Variants in PHLPP1 observed in about 807,000 individuals in gnomAD.
The protein encoded by PHLPP1 is PH domain and leucine rich repeat protein phosphatase 1.
Under a neutral mutation model 117.2 loss-of-function variants are expected in PHLPP1, and 42 were observed. That is an observed-to-expected ratio of 0.36 (90% confidence interval 0.28 to 0.46). The LOEUF (loss-of-function observed/expected upper bound fraction) is 0.46. PHLPP1 is among the 20% of genes least tolerant of loss of function. The pLI is 1.00. For synonymous variants in PHLPP1, 1,042 were observed against 970.7 expected (o/e 1.07, Z -1.37); for missense variants, 2,084 against 2,241.9 (o/e 0.93, Z 1.42).
Position 62,941,928 on chromosome 18 carries a change from A to G in PHLPP1, c.3161+10A>G, listed in dbSNP as rs1257719650. Reference sequence around the variant, plus strand: ...AGAGTTTTCCAGCAAGGTAAAGGACAGTTGTAAAGCTGCGTTCTGAATTGC... The same window carrying G: ...AGAGTTTTCCAGCAAGGTAAAGGACGGTTGTAAAGCTGCGTTCTGAATTGC... On this transcript the variant is annotated intron_variant, in intron 11 of 16. Coordinates refer to ENST00000262719, the MANE Select transcript of PHLPP1 (RefSeq NM_194449.4). 3 of 1,605,658 alleles carry G rather than the reference A, an allele frequency of 1.9e-6. No individual in the cohort carries two copies. Among genetic ancestry groups the G allele is most frequent in the Admixed American group, 1.7e-5 (1 of 59,766 alleles).
At chr18:62,824,269 A>G (rs1420916355) in intron 1 of PHLPP1, 2 of 445,890 alleles carry the variant, frequency 4.5e-6, no homozygotes, top group South Asian at 1.6e-5. Flanking sequence ...ATTTGTCTAT[A>G]CCAAGACTTG....
chr18:62,976,172 A>G (rs1911180467), intron 16 of PHLPP1, among the ~76,000 whole-genome samples: 1 of 152,226 alleles, frequency 6.6e-6, no homozygotes, highest in South Asian at 2.1e-4. Context: ...CTTCCCCACA[A>G]GACATTTGGC....
chr18:62,799,366 A>G (rs1440495065), intron 1 of PHLPP1, among the ~76,000 whole-genome samples: 2 of 152,220 alleles, frequency 1.3e-5, no homozygotes, highest in Non-Finnish European at 2.9e-5. Context: ...GGTGGTTACA[A>G]AGGCCACTGA....
rs1178554014 is a variant in PHLPP1, at chr18:62,978,169, C to T, written c.3985-93C>T. On this transcript the variant is annotated intron_variant, in intron 16 of 16. Coordinates refer to ENST00000262719, the MANE Select transcript of PHLPP1 (RefSeq NM_194449.4). The surrounding 1 kb of genome is among the most constrained non-coding windows in gnomAD (Gnocchi z 7.0). ...CACACAGCACTTCTCTGTGGTCCTA[C>T]AGTCGAGACAGTCGAGGGACCCGCA... The T allele has an allele frequency of 4.4e-6, 3 of 678,886 alleles. No homozygotes were observed. The highest frequency in any genetic ancestry group is 1.8e-5 in the African/African-American group (1 of 55,594). 42.1% of individuals were successfully genotyped at this position (678,886 alleles called of 1,614,324 possible). A position where few individuals can be genotyped will look rare whatever the true frequency, so the allele number is the denominator to read the frequency against.
At chr18:62,770,204 G>A (rs1389906219) in intron 1 of PHLPP1, among the ~76,000 whole-genome samples, 1 of 152,148 alleles carries the variant, frequency 6.6e-6, no homozygotes, top group African/African-American at 2.4e-5. Flanking sequence ...TCCGCCTCCT[G>A]GTTTCAAGCG....
In PHLPP1 at chr18:62,939,083, C is replaced by T. The variant is rs556691292; in HGVS notation, c.2961-2635C>T. 1.3e-4 allele frequency among the ~76,000 whole-genome samples: 20 copies of T among 150,886 alleles called. No individual in the cohort carries two copies. In the East Asian group the frequency reaches 1.9e-3, roughly 15 times the overall value. Reference sequence around the variant, plus strand: ...TTGGCTCATTGCAACCTCTGCCTCCCGGGTTCAAGTGATTCTGCTGCCTCA... The same window carrying T: ...TTGGCTCATTGCAACCTCTGCCTCCTGGGTTCAAGTGATTCTGCTGCCTCA... On this transcript the variant is annotated intron_variant, in intron 10 of 16. Transcript: ENST00000262719.
At chr18:62,791,375 C>T (rs994609560) in intron 1 of PHLPP1, among the ~76,000 whole-genome samples, 2 of 152,080 alleles carry the variant, frequency 1.3e-5, no homozygotes, top group Non-Finnish European at 2.9e-5. Flanking sequence ...AATTTCCATT[C>T]TACTCCATAA....
intron 1 of PHLPP1, among the ~76,000 whole-genome samples, chr18:62,816,260 G>A (rs1313051587): frequency 6.6e-6 from 1 of 152,072 alleles, no homozygotes; most frequent in Admixed American, 6.6e-5. Flanking sequence ...ACTCATATCA[G>A]CAATGTATAA....
At chr18:62,850,787 A>G (rs550332741) in intron 3 of PHLPP1, among the ~76,000 whole-genome samples, 2 of 152,128 alleles carry the variant, frequency 1.3e-5, no homozygotes, top group Non-Finnish European at 2.9e-5. Flanking sequence ...CTCTGACCCT[A>G]TACTGTTGCA....
At chr18:62,732,191 C>T (rs1056604016) in intron 1 of PHLPP1, among the ~76,000 whole-genome samples, 3 of 152,166 alleles carry the variant, frequency 2.0e-5, no homozygotes, top group African/African-American at 7.2e-5. Context: ...CTAGGACTTT[C>T]ATAGCTAGAG....
intron 8 of PHLPP1, among the ~76,000 whole-genome samples, chr18:62,914,478 A>C (rs1917046169): frequency 1.3e-5 from 2 of 152,200 alleles, no homozygotes; most frequent in African/African-American, 4.8e-5. Flanking sequence ...GCTGTCACCC[A>C]GGTTGGAGTG....
chr18:62,835,452 C>G (rs1185859765), intron 2 of PHLPP1, among the ~76,000 whole-genome samples: 1 of 152,034 alleles, frequency 6.6e-6, no homozygotes, highest in East Asian at 1.9e-4. Flanking sequence ...CCTGCCTCGG[C>G]CTCCTAAAGT....
rs1301441033 is a variant in PHLPP1 at position 62,958,673 on chromosome 18, A to G, written c.3369A>G (p.Pro1123=). The G allele has an allele frequency of 1.1e-5, 17 of 1,613,868 alleles. No homozygotes were observed. The highest frequency in any genetic ancestry group is 1.4e-5 in the Non-Finnish European group (17 of 1,179,868). Residue 1123 remains proline (P), a synonymous_variant, in exon 13 of 17, where the codon CCA becomes CCG. Transcript: ENST00000262719. ...ATGAGCTAAGTGAAGTCACATTACCAGAAAACCTGCCTCCCAAACTGCAGG... is the reference window on the plus strand; with the variant it reads ...ATGAGCTAAGTGAAGTCACATTACCGGAAAACCTGCCTCCCAAACTGCAGG... ...SCNELSEVTL[P]ENLPPKLQEL...
At chr18:62,726,112 G>GTA (rs1250065597) in intron 1 of PHLPP1, among the ~76,000 whole-genome samples, 1 of 151,298 alleles carries the variant, frequency 6.6e-6, no homozygotes, top group Non-Finnish European at 1.5e-5. Flanking sequence ...ATATGTATGT[G>GTA]TATATACACA....
intron 3 of PHLPP1, among the ~76,000 whole-genome samples, chr18:62,855,888 G>A (rs547121451): frequency 3.3e-5 from 5 of 152,322 alleles, no homozygotes; most frequent in African/African-American, 1.2e-4. Context: ...GTATAAGGTC[G>A]TCTTCTGGCC....
intron 4 of PHLPP1, among the ~76,000 whole-genome samples, chr18:62,890,798 G>A (rs564843275): frequency 9.4e-4 from 143 of 152,156 alleles, no homozygotes; most frequent in African/African-American, 3.2e-3. Context: ...AAAAGTTCAC[G>A]TGCTCTATTA....
intron 8 of PHLPP1, among the ~76,000 whole-genome samples, chr18:62,912,324 AAAT>A (rs1916978510): frequency 2.1e-5 from 3 of 146,062 alleles, no homozygotes; most frequent in Non-Finnish European, 3.0e-5. Context: ...ATTAAAAAAA[AAAT>A]AATAAAAAAC....
At chr18:62,874,486 G>T (rs1304633016) in intron 4 of PHLPP1, among the ~76,000 whole-genome samples, 1 of 152,140 alleles carries the variant, frequency 6.6e-6, no homozygotes, top group Non-Finnish European at 1.5e-5. Context: ...TCCAGCCTGG[G>T]TGACAGAGCA....
At chr18:62,892,336 G>A (rs1005530447) in intron 4 of PHLPP1, among the ~76,000 whole-genome samples, 3 of 151,882 alleles carry the variant, frequency 2.0e-5, no homozygotes, top group African/African-American at 4.8e-5. Context: ...TGATCCACCG[G>A]CCTCAGCCTC....
Sources: gnomAD v4.1 joint callset for allele counts (sites outside exome capture counted in the v4.1 genomes callset) on GRCh38, gnomAD v4.1.1 for gene constraint, Gnocchi (gnomAD v3.1) non-coding constraint, MANE v1.5 for transcripts, NCBI Gene and HGNC (gene_info 2026-07-23, HGNC 2026-07-21) for gene names.